Variants in DHX57 observed in about 807,000 individuals in gnomAD.
DHX57 encodes the protein putative ATP-dependent RNA helicase DHX57.
DHX57 carries 105 observed loss-of-function variants against 156.2 expected under a neutral mutation model. The observed-to-expected ratio is 0.67, with a 90% CI of 0.57 to 0.79. The LOEUF (loss-of-function observed/expected upper bound fraction) is 0.79. DHX57 is among the 30% of genes least tolerant of loss of function. DHX57 has a pLI of 0.00. For missense variants in DHX57, 1,847 were observed against 1,661.9 expected (o/e 1.11, Z -1.94); for synonymous variants, 704 against 595.6 (o/e 1.18, Z -2.65).
At position 38,856,219 on chromosome 2, in the gene DHX57, C is replaced by A; in HGVS notation, c.1709+121G>T. The A allele has an allele frequency of 2.9e-6, 4 of 1,381,962 alleles. No individual in the cohort carries two copies. The South Asian group carries it at 4.7e-5, about 16-fold the overall frequency. The allele number at this position is 1,381,962 out of a possible 1,614,324, so 85.6% of individuals were successfully genotyped here. ...GATTTTTTTGCCTTATGTCTCAAGG[C>A]AGATGTATATAATATCTATAAATCC... On this transcript the variant is annotated intron_variant, in intron 7 of 23. Coordinates refer to ENST00000457308, the MANE Select transcript of DHX57 (RefSeq NM_198963.3).
At chr2:38,816,207 A>C (rs1457629629) in intron 19 of DHX57, 6 of 470,654 alleles carry the variant, frequency 1.3e-5, no homozygotes, top group South Asian at 9.3e-5. Flanking sequence ...GACATCATTA[A>C]GTGATTCAAT....
chr2:38,815,168 A>G (rs1175093536), intron 20 of DHX57, among the ~76,000 whole-genome samples: 1 of 151,714 alleles, frequency 6.6e-6, no homozygotes, highest in African/African-American at 2.4e-5. Context: ...CTGGGATCAC[A>G]TCATTCTCCC....
At chr2:38,858,929 G>A in intron 5 of DHX57, 93 bp from the exon 6 acceptor site, 1 of 1,282,680 alleles carries the variant, frequency 7.8e-7, no homozygotes, top group South Asian at 1.5e-5. Flanking sequence ...ACAACAAAAA[G>A]TCAAAATGGA....
intron 9 of DHX57, 109 bp from the exon 10 acceptor site, chr2:38,848,511 A>G: frequency 8.4e-7 from 1 of 1,183,766 alleles, no homozygotes; most frequent in Non-Finnish European, 1.2e-6. Flanking sequence ...TGTGAAAAAA[A>G]AAAACCATTA....
At chr2:38,835,870 T>A (rs1671627516) in intron 13 of DHX57, among the ~76,000 whole-genome samples, 1 of 152,104 alleles carries the variant, frequency 6.6e-6, no homozygotes, top group African/African-American at 2.4e-5. Context: ...ACTATGGATA[T>A]GGAATAAAGG....
At chr2:38,867,712 C>T (rs1185391605) in intron 2 of DHX57, among the ~76,000 whole-genome samples, 1 of 152,140 alleles carries the variant, frequency 6.6e-6, no homozygotes, top group Non-Finnish European at 1.5e-5. Context: ...GTGACTGCCA[C>T]CATGCCTGGC....
In DHX57 at chr2:38,861,294, C is replaced by T. The variant is rs1558402336; in HGVS notation, c.1116G>A (p.Val372=). The T allele has an allele frequency of 1.9e-6, 3 of 1,614,056 alleles. No homozygotes were observed. Among genetic ancestry groups the T allele is most frequent in the Non-Finnish European group, 1.7e-6 (2 of 1,180,022 alleles). Residue 372 remains valine, a synonymous_variant, in exon 5 of 24, where the codon GTG becomes GTA. Transcript: ENST00000457308. ...DHKYPYQAPL[V]AFYSTNENLP... is the part of the protein sequence containing the mutation. The stretch of plus-strand genomic sequence containing the variant: ...GGTTCTCATTGGTGGAATAAAATGC[C>T]ACGAGCGGAGCTTGGTAGGGATATT...
At chr2:38,824,227 G>A (rs573513879) in intron 16 of DHX57, among the ~76,000 whole-genome samples, 1 of 152,274 alleles carries the variant, frequency 6.6e-6, no homozygotes, top group Admixed American at 6.5e-5. Context: ...GAAACCTTGA[G>A]GACATTATGT....
Position 38,837,073 on chromosome 2 carries a change from T to C in DHX57, c.2542+758A>G, listed in dbSNP as rs142202997. Among the ~76,000 whole-genome samples, 1,030 of 152,182 alleles carry C rather than the reference T, an allele frequency of 6.8e-3. 16 individuals carry two copies. The highest frequency in any genetic ancestry group is 0.023 in the African/African-American group (964 of 41,544). On this transcript the variant is annotated intron_variant, in intron 13 of 23. Coordinates refer to ENST00000457308, the MANE Select transcript of DHX57 (RefSeq NM_198963.3). ...TATGTTTTCCAGGCTGATCTCAAAC[T>C]CCTGGACTCAAATGATTCACCTTCC... is the stretch of plus-strand genomic sequence containing the variant.
At chr2:38,850,942 T>C (rs1452109475) in intron 9 of DHX57, among the ~76,000 whole-genome samples, 2 of 151,884 alleles carry the variant, frequency 1.3e-5, no homozygotes, top group Non-Finnish European at 2.9e-5. Flanking sequence ...CCAGGCCTGG[T>C]GGCGTGCACC....
At chr2:38,863,693 A>G (rs947556006) in intron 2 of DHX57, among the ~76,000 whole-genome samples, 174 bp from the exon 3 acceptor site, 1 of 152,190 alleles carries the variant, frequency 6.6e-6, no homozygotes, top group Non-Finnish European at 1.5e-5. Context: ...AGACTTCATT[A>G]TATCAGACCT....
intron 10 of DHX57, among the ~76,000 whole-genome samples, chr2:38,847,387 C>T (rs956133456): frequency 6.6e-6 from 1 of 152,194 alleles, no homozygotes; most frequent in African/African-American, 2.4e-5. Flanking sequence ...AAACATTCAA[C>T]AGTTGTATTC....
Position 38,861,398 on chromosome 2 carries a change from C to T in DHX57, c.1012G>A (p.Val338Ile). The change falls in exon 5 of 24, where the codon GTA (valine) becomes ATA (isoleucine). Residue 338 changes from valine to isoleucine, a missense_variant. By Grantham distance (29) the Val-to-Ile change is conservative (BLOSUM62 3). Coordinates refer to ENST00000457308, the MANE Select transcript of DHX57 (RefSeq NM_198963.3). ...NQIVGRIERS[V>I]DDSHLNAIED... is the part of the protein sequence containing the mutation. Reference sequence around the variant, plus strand: ...ATAGCATTAAGATGAGAATCATCTACACTTCTTTCTATTCTTCCAACAATT... The same window carrying T: ...ATAGCATTAAGATGAGAATCATCTATACTTCTTTCTATTCTTCCAACAATT... 6.2e-7 allele frequency: 1 copy of T among 1,614,036 alleles called. No individual in the cohort carries two copies. The highest frequency in any genetic ancestry group is 8.5e-7 in the Non-Finnish European group (1 of 1,179,996).
intron 2 of DHX57, among the ~76,000 whole-genome samples, chr2:38,865,637 C>A (rs890791139): frequency 1.3e-5 from 2 of 152,156 alleles, no homozygotes; most frequent in African/African-American, 4.8e-5. Context: ...ACACCTCACA[C>A]ATTTATCATT....
intron 9 of DHX57, 95 bp from the exon 10 acceptor site, chr2:38,848,497 T>G: frequency 7.7e-7 from 1 of 1,299,480 alleles, no homozygotes; most frequent in Non-Finnish European, 1.0e-6. Context: ...ATGTGTAAGA[T>G]CTCTGTGAAA....
intron 22 of DHX57, chr2:38,803,116 T>C (rs933504742): frequency 4.7e-5 from 27 of 579,592 alleles, no homozygotes; most frequent in Middle Eastern, 4.5e-4. Context: ...TATCTCACAC[T>C]TGTGTTTAAA....
intron 13 of DHX57, among the ~76,000 whole-genome samples, chr2:38,835,911 C>T (rs1183922241): frequency 6.6e-6 from 1 of 152,156 alleles, no homozygotes; most frequent in Admixed American, 6.5e-5. Flanking sequence ...TGAATGATTT[C>T]AAGATATGGA....
intron 23 of DHX57, among the ~76,000 whole-genome samples, chr2:38,800,181 A>T (rs1387800998): frequency 2.3e-5 from 2 of 87,628 alleles, no homozygotes; most frequent in African/African-American, 6.9e-5. Context: ...GCGAAACTCC[A>T]TCTCAAAAAA....
intron 4 of DHX57, 49 bp downstream of exon 4, chr2:38,862,096 G>A (rs367632605): frequency 1.4e-5 from 22 of 1,527,928 alleles, no homozygotes; most frequent in South Asian, 9.1e-5. Context: ...ATATGATTTC[G>A]GTTTCCTTGA....
Sources: allele counts gnomAD v4.1 joint callset (sites outside exome capture counted in the v4.1 genomes callset), GRCh38; gene constraint gnomAD v4.1.1; transcripts MANE v1.5; gene names NCBI Gene and HGNC (gene_info 2026-07-23, HGNC 2026-07-21).